Variants in RSPO2 observed in about 807,000 individuals in gnomAD.
RSPO2 encodes the protein R-spondin-2.
Under a neutral mutation model 30.9 loss-of-function variants are expected in RSPO2, and 14 were observed. The ratio of observed to expected loss-of-function variants is 0.45; its 90% confidence interval spans 0.30 to 0.71. RSPO2 has a LOEUF of 0.71. Ranked by LOEUF, RSPO2 falls within the 30% of genes least tolerant of loss-of-function variation. The pLI is 0.08. For synonymous variants in RSPO2, 107 were observed against 96.4 expected (o/e 1.11, Z -0.64); for missense variants, 264 against 301.9 (o/e 0.87, Z 0.93).
chr8:108,075,984 A>T (rs1563593193), intron 2 of RSPO2, among the ~76,000 whole-genome samples: 1 of 152,352 alleles, frequency 6.6e-6, no homozygotes, highest in East Asian at 1.9e-4. Context: ...AAGGCAAGAT[A>T]ACCAGAAAAA....
intron 2 of RSPO2, chr8:107,996,811 T>A: frequency 2.6e-6 from 1 of 380,134 alleles, no homozygotes. Context: ...GTCAACAAAC[T>A]GTGCCCTGCA....
At chr8:107,930,173 G>C (rs1812508966) in intron 5 of RSPO2, among the ~76,000 whole-genome samples, 1 of 152,098 alleles carries the variant, frequency 6.6e-6, no homozygotes, top group African/African-American at 2.4e-5. Flanking sequence ...TTTGACATAG[G>C]TATTATTTTA....
intron 2 of RSPO2, among the ~76,000 whole-genome samples, chr8:108,058,806 T>C (rs1812346726): frequency 6.6e-6 from 1 of 151,850 alleles, no homozygotes; most frequent in South Asian, 2.1e-4. Flanking sequence ...TGTAGAAAGC[T>C]GAAACCGGAT....
intron 2 of RSPO2, among the ~76,000 whole-genome samples, chr8:108,003,761 G>A (rs752264552): frequency 1.8e-4 from 27 of 152,090 alleles, no homozygotes; most frequent in Non-Finnish European, 3.7e-4. Flanking sequence ...TGCTTCTGAT[G>A]TATAATTTTC....
chr8:107,964,948 A>C (rs1254880931), intron 3 of RSPO2, among the ~76,000 whole-genome samples: 1 of 152,194 alleles, frequency 6.6e-6, no homozygotes, highest in African/African-American at 2.4e-5. Flanking sequence ...TACTCCCCAG[A>C]AATAGCCACT....
At chr8:107,932,209 G>A (rs930704884) in intron 5 of RSPO2, among the ~76,000 whole-genome samples, 13 of 152,188 alleles carry the variant, frequency 8.5e-5, no homozygotes, top group Non-Finnish European at 1.9e-4. Context: ...TAGGCAAAGA[G>A]AGGAAAGAGT....
intron 3 of RSPO2, chr8:107,983,469 G>T: frequency 6.3e-7 from 1 of 1,598,096 alleles, no homozygotes. Flanking sequence ...TTTCTCAGAA[G>T]TACAGCCCTT....
chr8:108,072,271 G>A (rs1205875494), intron 2 of RSPO2, among the ~76,000 whole-genome samples: 2 of 150,670 alleles, frequency 1.3e-5, no homozygotes, highest in African/African-American at 4.9e-5. Context: ...CCAGGAAGAG[G>A]CATGAGAACA....
At chr8:108,033,995 C>T (rs1457199198) in intron 2 of RSPO2, among the ~76,000 whole-genome samples, 2 of 152,200 alleles carry the variant, frequency 1.3e-5, no homozygotes, top group African/African-American at 4.8e-5. Flanking sequence ...AACATGAAAT[C>T]ATGGCATCTG....
intron 5 of RSPO2, among the ~76,000 whole-genome samples, chr8:107,902,763 T>C (rs1811518778): frequency 6.6e-6 from 1 of 152,104 alleles, no homozygotes; most frequent in Admixed American, 6.6e-5. Flanking sequence ...TTTACATCTT[T>C]TTATCACAAG....
chr8:108,025,695 T>C (rs536486879), intron 2 of RSPO2, among the ~76,000 whole-genome samples: 2 of 151,986 alleles, frequency 1.3e-5, no homozygotes, highest in African/African-American at 4.8e-5. Context: ...TTGGCTGATT[T>C]TTTTTTTAAA....
chr8:107,907,418 A>G (rs1225125973), intron 5 of RSPO2, among the ~76,000 whole-genome samples: 3 of 152,130 alleles, frequency 2.0e-5, no homozygotes, highest in Admixed American at 1.3e-4. Context: ...AAAATAATCT[A>G]GAGACAAAGC....
intron 5 of RSPO2, among the ~76,000 whole-genome samples, chr8:107,955,571 T>TA (rs1239766185): frequency 1.3e-5 from 2 of 151,936 alleles, no homozygotes; most frequent in Admixed American, 6.6e-5. Context: ...TGATTTTTTT[T>TA]AAAAAAAGAA....
intron 2 of RSPO2, among the ~76,000 whole-genome samples, chr8:107,992,201 A>ACACACT (rs1390213688): frequency 1.3e-5 from 2 of 151,766 alleles, no homozygotes; most frequent in Non-Finnish European, 2.9e-5. Flanking sequence ...ACACACACAC[A>ACACACT]CACCATGGAA....
chr8:107,979,543 A>G (rs1814347748), intron 3 of RSPO2, among the ~76,000 whole-genome samples: 1 of 152,060 alleles, frequency 6.6e-6, no homozygotes, highest in Admixed American at 6.5e-5. Flanking sequence ...GGGTAGCGGG[A>G]AGGGGGAGGG....
chr8:107,993,838 T>C (rs1211625426), intron 2 of RSPO2, among the ~76,000 whole-genome samples: 2 of 152,224 alleles, frequency 1.3e-5, no homozygotes, highest in Non-Finnish European at 2.9e-5. Flanking sequence ...ATGAAGTCAA[T>C]CCCTGCCTCC....
At chr8:107,982,553 A>G (rs1174557230) in intron 3 of RSPO2, among the ~76,000 whole-genome samples, 3 of 151,966 alleles carry the variant, frequency 2.0e-5, no homozygotes, top group Non-Finnish European at 4.4e-5. Flanking sequence ...ACACACCCCA[A>G]CTTCCCCATC....
intron 5 of RSPO2, among the ~76,000 whole-genome samples, chr8:107,949,633 C>T (rs917936061): frequency 1.3e-5 from 2 of 152,124 alleles, no homozygotes; most frequent in South Asian, 4.1e-4. Flanking sequence ...AAACAGAAAA[C>T]TCTTATGTTC....
intron 3 of RSPO2, among the ~76,000 whole-genome samples, chr8:107,967,920 A>AT (rs1003290034): frequency 4.6e-5 from 7 of 152,176 alleles, no homozygotes; most frequent in Non-Finnish European, 8.8e-5. Context: ...GTCCTCATGT[A>AT]TTTTTTTAAA....
Sources: allele counts gnomAD v4.1 joint callset (sites outside exome capture counted in the v4.1 genomes callset), GRCh38; gene constraint gnomAD v4.1.1; transcripts MANE v1.5; gene names NCBI Gene and HGNC (gene_info 2026-07-23, HGNC 2026-07-21).